CDC42SE2: variants seen among roughly 807,000 people sequenced by gnomAD.
The protein encoded by CDC42SE2 is CDC42 small effector protein 2.
CDC42SE2 carries 3 observed loss-of-function variants against 11.5 expected under a neutral mutation model. That is an observed-to-expected ratio of 0.26 (90% CI 0.12 to 0.67). CDC42SE2 has a LOEUF of 0.67. Among genes scored for constraint, CDC42SE2 ranks in the 30% least tolerant of loss-of-function variants. CDC42SE2 has a pLI of 0.80. For missense variants in CDC42SE2, 82 were observed against 106.8 expected, an observed-to-expected ratio of 0.77 and a Z score of 1.02; for synonymous variants, 33 against 34.8, an observed-to-expected ratio of 0.95 and a Z score of 0.18.
chr5:131,319,451 G>A (rs1305760715), intron 2 of CDC42SE2, among the ~76,000 whole-genome samples: 1 of 152,132 alleles, frequency 6.6e-6, no homozygotes, highest in African/African-American at 2.4e-5. Flanking sequence ...TAGTTAGGCT[G>A]TTGTACCCCC....
upstream of CDC42SE2, chr5:131,263,858 C>CCGGG (rs1756786467): frequency 6.6e-6 from 1 of 152,300 alleles, no homozygotes; most frequent in Non-Finnish European, 1.5e-5. Context: ...GGCTCGAATC[C>CCGGG]CGGGGGTCCC....
the CDC42SE2 span, among the ~76,000 whole-genome samples, chr5:131,228,229 T>C: frequency 6.7e-6 from 1 of 148,448 alleles, no homozygotes; most frequent in Non-Finnish European, 1.5e-5. Flanking sequence ...TATCCAGGTG[T>C]GGTGGTAGGT....
At chr5:131,379,212 G>C (rs1038939829) in intron 3 of CDC42SE2, among the ~76,000 whole-genome samples, 1 of 152,096 alleles carries the variant, frequency 6.6e-6, no homozygotes. Context: ...GTCCCAGATG[G>C]CAAGTATTTT....
chr5:131,279,206 C>A (rs576789952), intron 1 of CDC42SE2, among the ~76,000 whole-genome samples: 2 of 152,102 alleles, frequency 1.3e-5, no homozygotes, highest in African/African-American at 4.8e-5. Flanking sequence ...AAGTTATGTT[C>A]TCTTTACATC....
intron 1 of CDC42SE2, among the ~76,000 whole-genome samples, chr5:131,265,882 G>C (rs1028191735): frequency 2.0e-5 from 3 of 152,108 alleles, no homozygotes; most frequent in Non-Finnish European, 1.5e-5. Context: ...TGTACTTCTG[G>C]TCCTGTTTTC....
At chr5:131,266,457 T>C (rs1440731492) in intron 1 of CDC42SE2, among the ~76,000 whole-genome samples, 1 of 151,196 alleles carries the variant, frequency 6.6e-6, no homozygotes, top group Non-Finnish European at 1.5e-5. Context: ...AGCTTTTTTT[T>C]TTCTTTTTTT....
chr5:131,219,951 A>AC, the CDC42SE2 span, among the ~76,000 whole-genome samples: 1 of 152,074 alleles, frequency 6.6e-6, no homozygotes. Context: ...AAACAAACAA[A>AC]AAAAGTTGTG....
chr5:131,296,078 C>T (rs1169606593), intron 1 of CDC42SE2, among the ~76,000 whole-genome samples: 1 of 152,146 alleles, frequency 6.6e-6, no homozygotes, highest in Non-Finnish European at 1.5e-5. Flanking sequence ...TCCTGTAACA[C>T]ATGGGAAAAC....
intron 2 of CDC42SE2, among the ~76,000 whole-genome samples, chr5:131,357,200 A>G (rs1183286625): frequency 6.6e-6 from 1 of 152,246 alleles, no homozygotes; most frequent in Non-Finnish European, 1.5e-5. Context: ...TTAAATAAAC[A>G]TTCCAGGTTC....
At chr5:131,319,644 C>T (rs1286815622) in intron 2 of CDC42SE2, among the ~76,000 whole-genome samples, 2 of 152,124 alleles carry the variant, frequency 1.3e-5, no homozygotes, top group African/African-American at 4.8e-5. Flanking sequence ...ATATTGTTCT[C>T]TTCCAGTCTG....
intron 4 of CDC42SE2, 83 bp downstream of exon 4, chr5:131,385,727 T>A: frequency 1.3e-6 from 1 of 763,696 alleles, no homozygotes; most frequent in Non-Finnish European, 2.3e-6. Context: ...GCATTTTTAA[T>A]AGCATTATGC....
chr5:131,231,134 A>G, the CDC42SE2 span, among the ~76,000 whole-genome samples: 5 of 152,116 alleles, frequency 3.3e-5, no homozygotes, highest in African/African-American at 9.7e-5. Context: ...CAGTTATACC[A>G]GTTTGTGTCT....
chr5:131,255,395 A>C (rs1007207195), intron 2 of CDC42SE2: 1 of 152,196 alleles, frequency 6.6e-6, no homozygotes, highest in Admixed American at 6.5e-5. Flanking sequence ...AAAATTACAT[A>C]TGTGGCTTGA....
chr5:131,230,273 C>G, the CDC42SE2 span, among the ~76,000 whole-genome samples: 1 of 152,150 alleles, frequency 6.6e-6, no homozygotes, highest in Non-Finnish European at 1.5e-5. Flanking sequence ...TTGTCCTGTA[C>G]TTGTCTTCAA....
chr5:131,247,523 G>C (rs1450202627), intron 1 of CDC42SE2, among the ~76,000 whole-genome samples: 1 of 152,042 alleles, frequency 6.6e-6, no homozygotes, highest in Non-Finnish European at 1.5e-5. Flanking sequence ...GGAGGCTGAG[G>C]CAAGAGAATC....
At chr5:131,248,603 A>G (rs1561561053) in intron 1 of CDC42SE2, among the ~76,000 whole-genome samples, 2 of 152,214 alleles carry the variant, frequency 1.3e-5, no homozygotes, top group Admixed American at 1.3e-4. Context: ...ACCCCAAATA[A>G]TCTTCAAATT....
chr5:131,225,668 T>G, the CDC42SE2 span, among the ~76,000 whole-genome samples: 2 of 152,088 alleles, frequency 1.3e-5, no homozygotes, highest in Admixed American at 6.5e-5. Context: ...AAAGTCAGTC[T>G]CCCCTTGCAT....
chr5:131,319,531 G>C (rs1348899683), intron 2 of CDC42SE2, among the ~76,000 whole-genome samples: 3 of 152,066 alleles, frequency 2.0e-5, no homozygotes, highest in Non-Finnish European at 4.4e-5. Context: ...TCTTTCCTTT[G>C]ACATGCAGTA....
chr5:131,245,500 G>T (rs2149681766), exon 1 of CDC42SE2: 1 of 152,300 alleles, frequency 6.6e-6, no homozygotes, highest in East Asian at 1.9e-4. Context: ...CATACCAGTT[G>T]TCACACACTG....
Sources: gnomAD v4.1 joint callset for allele counts (sites outside exome capture counted in the v4.1 genomes callset) on GRCh38, gnomAD v4.1.1 for gene constraint, MANE v1.5 for transcripts, NCBI Gene and HGNC (gene_info 2026-07-23, HGNC 2026-07-21) for gene names.